Variants in ZNG1A observed in about 807,000 individuals in gnomAD.
ZNG1A encodes the protein zinc-regulated GTPase metalloprotein activator 1A.
the ZNG1A span, among the ~76,000 whole-genome samples, chr9:174,146 C>CAA: frequency 9.7e-5 from 9 of 92,566 alleles, no homozygotes; most frequent in South Asian, 3.6e-4. Flanking sequence ...GACTCCATCT[C>CAA]AAAAAAAAAA....
the ZNG1A span, among the ~76,000 whole-genome samples, chr9:133,767 C>T: frequency 6.7e-6 from 1 of 149,328 alleles, no homozygotes; most frequent in Admixed American, 6.7e-5. Flanking sequence ...GCTTTTCATT[C>T]TTGTAACAAA....
chr9:170,535 G>A, the ZNG1A span, among the ~76,000 whole-genome samples: 7 of 150,666 alleles, frequency 4.6e-5, no homozygotes, highest in South Asian at 2.1e-4. Flanking sequence ...TATGGGGTGC[G>A]CCACATCGCC....
chr9:122,334 A>C, the ZNG1A span: 3 of 1,375,384 alleles, frequency 2.2e-6, no homozygotes, highest in Non-Finnish European at 2.8e-6. Context: ...TCTAATGATA[A>C]AGTTAATACA....
chr9:136,787 C>T, the ZNG1A span, among the ~76,000 whole-genome samples: 2 of 151,700 alleles, frequency 1.3e-5, no homozygotes, highest in African/African-American at 4.9e-5. Context: ...GCTTATAATC[C>T]CAGCACTTTA....
chr9:177,781 G>T, the ZNG1A span: 1 of 1,536,640 alleles, frequency 6.5e-7, no homozygotes, highest in Non-Finnish European at 8.8e-7. Flanking sequence ...TTTTGGACAA[G>T]AAATTTGTTC....
the ZNG1A span, chr9:153,615 T>C: frequency 1.3e-5 from 2 of 152,018 alleles, no homozygotes; most frequent in East Asian, 1.9e-4. Flanking sequence ...TACGCAACAA[T>C]ACCTACCCTC....
the ZNG1A span, chr9:171,646 G>C: frequency 2.6e-4 from 55 of 208,610 alleles, no homozygotes; most frequent in African/African-American, 1.2e-3. Flanking sequence ...TATATGGGAG[G>C]ATGTGCATAG....
chr9:147,496 A>AAT, the ZNG1A span: 1 of 124,902 alleles, frequency 8.0e-6, no homozygotes, highest in Non-Finnish European at 1.6e-5. Flanking sequence ...TTAGATTACG[A>AAT]ATGCTTGTCT....
chr9:127,781 G>A, the ZNG1A span, among the ~76,000 whole-genome samples: 2 of 152,064 alleles, frequency 1.3e-5, no homozygotes, highest in African/African-American at 4.8e-5. Flanking sequence ...TTGTATTTTT[G>A]TTTTATACGT....
At chr9:121,366 T>C in the ZNG1A span, 2 of 768,768 alleles carry the variant, frequency 2.6e-6, no homozygotes, top group East Asian at 2.4e-5. Flanking sequence ...TTTTAAAGTA[T>C]ATTGGAATTC....
the ZNG1A span, chr9:135,013 T>A: frequency 3.0e-4 from 430 of 1,432,166 alleles, 1 homozygote; most frequent in Non-Finnish European, 3.9e-4. Flanking sequence ...TGGCACATGC[T>A]GAAGTTTTTT....
the ZNG1A span, among the ~76,000 whole-genome samples, chr9:162,136 T>C: frequency 0.016 from 2,377 of 148,858 alleles, 53 homozygotes; most frequent in Middle Eastern, 0.062. Context: ...CTTACCAATA[T>C]TGGGGTTGAA....
At chr9:178,026 T>C in the ZNG1A span, among the ~76,000 whole-genome samples, 1 of 149,140 alleles carries the variant, frequency 6.7e-6, no homozygotes, top group Non-Finnish European at 1.5e-5. Flanking sequence ...ATTTTATTTA[T>C]ATTTCTTAAC....
chr9:139,806 C>T, the ZNG1A span, among the ~76,000 whole-genome samples: 2 of 151,450 alleles, frequency 1.3e-5, no homozygotes, highest in Non-Finnish European at 2.9e-5. Context: ...TGGGTGCGTG[C>T]ACCATCCGCG....
chr9:158,463 G>A, the ZNG1A span, among the ~76,000 whole-genome samples: 11 of 150,782 alleles, frequency 7.3e-5, no homozygotes, highest in African/African-American at 2.0e-4. Flanking sequence ...CTTTTTTAAC[G>A]TATGAAATTG....
chr9:172,190 A>G, the ZNG1A span: 3 of 1,609,776 alleles, frequency 1.9e-6, no homozygotes, highest in East Asian at 4.5e-5. Flanking sequence ...ATACCAAAAC[A>G]TAATTTACAG....
chr9:136,879 A>C, the ZNG1A span, among the ~76,000 whole-genome samples: 1 of 151,914 alleles, frequency 6.6e-6, no homozygotes, highest in South Asian at 2.1e-4. Context: ...CACTACAAAA[A>C]AGTAAAAATA....
the ZNG1A span, among the ~76,000 whole-genome samples, chr9:133,708 A>T: frequency 1.5e-5 from 2 of 136,508 alleles, no homozygotes; most frequent in South Asian, 2.7e-4. Context: ...AATTTTTTTT[A>T]AAAAGGCTCC....
At chr9:163,269 G>C in the ZNG1A span, among the ~76,000 whole-genome samples, 2 of 151,596 alleles carry the variant, frequency 1.3e-5, no homozygotes, top group Non-Finnish European at 2.9e-5. Context: ...GGTAAATAAA[G>C]TAAGACAGGA....
Sources: gnomAD v4.1 joint callset for allele counts (sites outside exome capture counted in the v4.1 genomes callset) on GRCh38, gnomAD v4.1.1 for gene constraint, MANE v1.5 for transcripts, NCBI Gene and HGNC (gene_info 2026-07-23, HGNC 2026-07-21) for gene names.